Variants in ZSWIM6 observed in about 807,000 individuals in gnomAD.
ZSWIM6 encodes the protein zinc finger SWIM domain-containing protein 6.
Under a neutral mutation model 113.2 loss-of-function variants are expected in ZSWIM6, and 9 were observed. That is an observed-to-expected ratio of 0.08 (90% CI 0.05 to 0.14). The LOEUF (loss-of-function observed/expected upper bound fraction) is 0.14, where lower values mean the gene tolerates loss of function less well. ZSWIM6 is among the 10% of genes least tolerant of loss of function. The pLI, the probability that ZSWIM6 is intolerant of heterozygous loss-of-function variation, is 1.00. For synonymous variants in ZSWIM6, 611 were observed against 606.5 expected (o/e 1.01, Z -0.11); for missense variants, 1,162 against 1,552.2 (o/e 0.75, Z 4.22).
At chr5:61,505,867 T>G (rs1748604273) in intron 4 of ZSWIM6, among the ~76,000 whole-genome samples, 1 of 151,440 alleles carries the variant, frequency 6.6e-6, no homozygotes, top group African/African-American at 2.4e-5. Flanking sequence ...CTGCCTCAGC[T>G]TCCTTAGTAG....
Position 61,472,631 on chromosome 5 carries a change from G to A in ZSWIM6, c.677-50G>A, listed in dbSNP as rs889297375. 1.3e-5 allele frequency: 18 copies of A among 1,351,600 alleles called. No individual in the cohort carries two copies. The African/African-American group carries it at 1.9e-4, about 14-fold the overall frequency. 83.7% of individuals were successfully genotyped at this position (1,351,600 alleles called of 1,614,324 possible). A position where few individuals can be genotyped will look rare whatever the true frequency, so the allele number is the denominator to read the frequency against. On this transcript the variant is annotated intron_variant, in intron 1 of 13. Transcript: ENST00000252744. The surrounding 1 kb of genome is among the most constrained non-coding windows in gnomAD (Gnocchi z 4.1). ...TTTCAAAGAATTAGAGCATTTCATA[G>A]CATCTGAATGCAGAAGCTAAACCCT... is the stretch of plus-strand genomic sequence containing the variant.
intron 12 of ZSWIM6, 90 bp downstream of exon 12, chr5:61,539,849 T>C: frequency 8.0e-7 from 1 of 1,245,470 alleles, no homozygotes; most frequent in South Asian, 1.5e-5. Context: ...GATTTTTGAG[T>C]GCAGGTAAAT....
At chr5:61,375,256 G>C (rs1340209779) in intron 1 of ZSWIM6, 1 of 1,612,706 alleles carries the variant, frequency 6.2e-7, no homozygotes, top group Non-Finnish European at 8.5e-7. Flanking sequence ...AGAGCAACTA[G>C]AAAAGGAAAA....
At chr5:61,404,031 G>T (rs1464625544) in intron 1 of ZSWIM6, among the ~76,000 whole-genome samples, 1 of 149,162 alleles carries the variant, frequency 6.7e-6, no homozygotes, top group Non-Finnish European at 1.5e-5. Flanking sequence ...TTTTTGAGAC[G>T]GAGTCTCGCT....
At chr5:61,391,192 C>T (rs943432742) in intron 1 of ZSWIM6, 7 of 841,402 alleles carry the variant, frequency 8.3e-6, no homozygotes, top group African/African-American at 1.7e-5. Flanking sequence ...CCCTTTGTAG[C>T]CATTGCCCTT....
chr5:61,492,136 A>C (rs1216402903), intron 3 of ZSWIM6, among the ~76,000 whole-genome samples: 1 of 152,074 alleles, frequency 6.6e-6, no homozygotes, highest in African/African-American at 2.4e-5. Flanking sequence ...TTATATACTT[A>C]AGAGTAAAGT....
At chr5:61,530,635 T>C (rs1243547754) in intron 8 of ZSWIM6, among the ~76,000 whole-genome samples, 1 of 152,228 alleles carries the variant, frequency 6.6e-6, no homozygotes, top group African/African-American at 2.4e-5. Context: ...GTATTAAATG[T>C]CATTTAAAAC....
intron 4 of ZSWIM6, among the ~76,000 whole-genome samples, chr5:61,515,319 G>C (rs1253342088): frequency 6.6e-6 from 1 of 152,012 alleles, no homozygotes; most frequent in Non-Finnish European, 1.5e-5. Flanking sequence ...TTTTAGTTGA[G>C]ACAGGGTTTC....
intron 1 of ZSWIM6, among the ~76,000 whole-genome samples, chr5:61,419,106 G>A (rs565144123): frequency 6.6e-6 from 1 of 152,234 alleles, no homozygotes; most frequent in South Asian, 2.1e-4. Context: ...ACAGGCATGA[G>A]CCACCACGCC....
At chr5:61,389,303 C>G (rs1040276795) in intron 1 of ZSWIM6, among the ~76,000 whole-genome samples, 2 of 151,372 alleles carry the variant, frequency 1.3e-5, no homozygotes, top group Admixed American at 6.6e-5. Flanking sequence ...TGCCTGTAAT[C>G]CTAGCACTTT....
chr5:61,357,114 G>C (rs1384177752), intron 1 of ZSWIM6, among the ~76,000 whole-genome samples: 1 of 152,048 alleles, frequency 6.6e-6, no homozygotes, highest in Non-Finnish European at 1.5e-5. Context: ...ATGGGGCCTA[G>C]CATCTGGGTT....
At chr5:61,408,249 C>T (rs1025034773) in intron 1 of ZSWIM6, among the ~76,000 whole-genome samples, 1 of 152,154 alleles carries the variant, frequency 6.6e-6, no homozygotes, top group Admixed American at 6.5e-5. Context: ...TGGGTGAATA[C>T]AAGAGAAGTA....
In ZSWIM6 at chr5:61,441,644, G is replaced by C. The variant is rs568488852; in HGVS notation, c.677-31037G>C. ...CAGCCCATCTTGTAGCCTAGGGCCA[G>C]GTACGGATGCGGAGTGTGCAAGGGT... On this transcript the variant is annotated intron_variant, in intron 1 of 13. Coordinates refer to ENST00000252744, the MANE Select transcript of ZSWIM6 (RefSeq NM_020928.2). Among the ~76,000 whole-genome samples, 18 of 152,290 alleles carry C rather than the reference G, an allele frequency of 1.2e-4. No homozygotes were observed. In the South Asian group the frequency reaches 2.3e-3, roughly 19 times the overall value.
chr5:61,521,693 A>T (rs980518306), intron 5 of ZSWIM6, among the ~76,000 whole-genome samples: 1 of 152,170 alleles, frequency 6.6e-6, no homozygotes, highest in African/African-American at 2.4e-5. Flanking sequence ...ATATACTAGT[A>T]TGTGTTAAAA....
At chr5:61,337,963 C>CAT (rs1332662372) in intron 1 of ZSWIM6, among the ~76,000 whole-genome samples, 1 of 151,850 alleles carries the variant, frequency 6.6e-6, no homozygotes, top group East Asian at 1.9e-4. Context: ...GGTGTGTTCG[C>CAT]ATATGTGTGT....
intron 1 of ZSWIM6, among the ~76,000 whole-genome samples, chr5:61,417,833 C>G (rs1186856640): frequency 2.0e-5 from 3 of 152,302 alleles, no homozygotes; most frequent in African/African-American, 7.2e-5. Flanking sequence ...GTACATATCA[C>G]AGTTTTGCTT....
chr5:61,494,678 A>G (rs1748272554), intron 4 of ZSWIM6, among the ~76,000 whole-genome samples: 1 of 152,066 alleles, frequency 6.6e-6, no homozygotes, highest in African/African-American at 2.4e-5. Context: ...GAAAAAAAAA[A>G]GCTGTATTAT....
chr5:61,409,094 TCC>T (rs11289726), intron 1 of ZSWIM6, among the ~76,000 whole-genome samples: 28 of 115,522 alleles, frequency 2.4e-4, no homozygotes, highest in African/African-American at 7.2e-4. Context: ...TTTTTTTTTT[TCC>T]CGTTTTTGAA....
intron 2 of ZSWIM6, among the ~76,000 whole-genome samples, chr5:61,476,531 G>A (rs2112190866): frequency 1.3e-5 from 2 of 151,776 alleles, no homozygotes; most frequent in South Asian, 2.1e-4. Context: ...TGCTAAAAGA[G>A]GCTGTAAGAT....
Sources: allele counts gnomAD v4.1 joint callset (sites outside exome capture counted in the v4.1 genomes callset), GRCh38; gene constraint gnomAD v4.1.1; non-coding constraint Gnocchi (gnomAD v3.1); transcripts MANE v1.5; gene names NCBI Gene and HGNC (gene_info 2026-07-23, HGNC 2026-07-21).